MAPK10: variants seen among roughly 807,000 people sequenced by gnomAD.
MAPK10 encodes the protein JNK3 alpha protein kinase.
In MAPK10, 25 loss-of-function variants were observed where a neutral mutation model predicts 59.3. The ratio of observed to expected loss-of-function variants is 0.42; its 90% CI spans 0.31 to 0.59. MAPK10 has a LOEUF of 0.59. Ranked by LOEUF, MAPK10 falls within the 20% of genes least tolerant of loss-of-function variation. The pLI, the probability that MAPK10 is intolerant of heterozygous loss-of-function variation, is 0.15. For synonymous variants in MAPK10, 190 were observed against 200.5 expected (o/e 0.95, Z 0.44); for missense variants, 351 against 568.9 (o/e 0.62, Z 3.90).
chr4:86,194,319 C>A lies in MAPK10; in HGVS notation c.66+17G>T. ...GGGAATATACTGTACCTTGTTTTAC[C>A]TGTAAGGAACACACACCTGACAAAA... On this transcript the variant is annotated intron_variant, in intron 3 of 13. Coordinates refer to ENST00000641462, the MANE Select transcript of MAPK10 (RefSeq NM_138982.4). The A allele has an allele frequency of 1.2e-6, 2 of 1,603,850 alleles. No homozygotes were observed. Among genetic ancestry groups the A allele is most frequent in the Non-Finnish European group, 1.7e-6 (2 of 1,170,870 alleles).
At chr4:86,123,011 T>A (rs953843502) in intron 4 of MAPK10, among the ~76,000 whole-genome samples, 1 of 152,074 alleles carries the variant, frequency 6.6e-6, no homozygotes, top group Non-Finnish European at 1.5e-5. Flanking sequence ...TCAAATTAGA[T>A]CCTGTTCATA....
At chr4:86,489,189 C>T (rs550880186) in intron 1 of MAPK10, among the ~76,000 whole-genome samples, 5 of 152,238 alleles carry the variant, frequency 3.3e-5, no homozygotes, top group East Asian at 1.9e-4. Flanking sequence ...CCAGCTAAGC[C>T]GGGACAACCA....
chr4:86,545,717 A>G (rs1180993230), intron 1 of MAPK10, among the ~76,000 whole-genome samples: 4 of 152,230 alleles, frequency 2.6e-5, no homozygotes, highest in Admixed American at 6.5e-5. Context: ...AATGGAAAGA[A>G]GGAATACATT....
chr4:86,164,334 G>A (rs2070880738), intron 3 of MAPK10: 1 of 152,110 alleles, frequency 6.6e-6, no homozygotes, highest in African/African-American at 2.4e-5. Context: ...GGAGATGACA[G>A]TTTTACCAGA....
chr4:86,123,816 A>T (rs918105952), intron 4 of MAPK10: 5 of 152,044 alleles, frequency 3.3e-5, no homozygotes, highest in Admixed American at 3.3e-4. Context: ...TTCAACTCCC[A>T]ACTTCTTAAA....
Position 86,098,553 on chromosome 4 carries a change from C to G in MAPK10, c.773G>C (p.Arg258Pro). 6.2e-7 allele frequency: 1 copy of G among 1,613,296 alleles called. No individual in the cohort carries two copies. Among genetic ancestry groups the G allele is most frequent in the Non-Finnish European group, 8.5e-7 (1 of 1,179,458 alleles). The change falls in exon 9 of 14, where the codon CGC becomes CCC. Residue 258 changes from arginine to proline, a missense_variant. By Grantham distance (103) the Arg-to-Pro change is moderately radical. Transcript: ENST00000641462. ...CCTTCCTGGAAAGAGGATTTTGTGG[C>G]GAACCATTTCTCCCATAATGCATCC... ...SVGCIMGEMVRHKILFPGRDY... is the reference protein window; with the variant it reads ...SVGCIMGEMVPHKILFPGRDY...
chr4:86,380,394 G>C (rs1400333117), intron 1 of MAPK10, among the ~76,000 whole-genome samples: 1 of 152,096 alleles, frequency 6.6e-6, no homozygotes, highest in Non-Finnish European at 1.5e-5. Flanking sequence ...ACAATTATTT[G>C]TTGACTTTGC....
intron 1 of MAPK10, among the ~76,000 whole-genome samples, chr4:86,505,321 T>A (rs1005181196): frequency 1.3e-5 from 2 of 152,116 alleles, no homozygotes; most frequent in Admixed American, 6.6e-5. Context: ...AATTATTTTT[T>A]AAAAATGGGC....
intron 2 of MAPK10, among the ~76,000 whole-genome samples, chr4:86,346,174 G>C (rs527249891): frequency 3.0e-4 from 46 of 152,244 alleles, no homozygotes; most frequent in African/African-American, 1.1e-3. Flanking sequence ...ACCCTGGTTG[G>C]CAACAGGATA....
At chr4:86,398,746 C>T (rs1199200463) in intron 1 of MAPK10, among the ~76,000 whole-genome samples, 1 of 152,064 alleles carries the variant, frequency 6.6e-6, no homozygotes, top group African/African-American at 2.4e-5. Flanking sequence ...GTTTTACAAC[C>T]CTTGCGTCCC....
At chr4:86,459,213 T>C (rs2149060250) in intron 1 of MAPK10, among the ~76,000 whole-genome samples, 1 of 152,296 alleles carries the variant, frequency 6.6e-6, no homozygotes, top group South Asian at 2.1e-4. Context: ...CACAATGCAA[T>C]ACCACCTTAC....
intron 2 of MAPK10, among the ~76,000 whole-genome samples, chr4:86,212,913 C>T (rs1396291151): frequency 6.6e-6 from 1 of 152,058 alleles, no homozygotes; most frequent in Non-Finnish European, 1.5e-5. Flanking sequence ...GAACCGTCTT[C>T]CTCAAAACAA....
chr4:86,324,976 G>C (rs942756402), intron 2 of MAPK10, among the ~76,000 whole-genome samples: 6 of 152,082 alleles, frequency 3.9e-5, no homozygotes, highest in Non-Finnish European at 8.8e-5. Flanking sequence ...ATTGCACTTT[G>C]TGCATATTGA....
At chr4:86,448,083 T>G (rs1004648289) in intron 1 of MAPK10, among the ~76,000 whole-genome samples, 1 of 152,162 alleles carries the variant, frequency 6.6e-6, no homozygotes. Flanking sequence ...TATGTTAATA[T>G]GTAAAGAGCC....
At chr4:86,187,732 AG>A (rs2149299555) in intron 3 of MAPK10, among the ~76,000 whole-genome samples, 1 of 152,304 alleles carries the variant, frequency 6.6e-6, no homozygotes, top group South Asian at 2.1e-4. Flanking sequence ...TAAATGAATT[AG>A]AAACTAAACA....
intron 3 of MAPK10, among the ~76,000 whole-genome samples, chr4:86,175,360 C>T (rs1468713069): frequency 1.3e-5 from 2 of 152,030 alleles, no homozygotes; most frequent in African/African-American, 4.8e-5. Flanking sequence ...CAACAAAGAA[C>T]GTTATTCTTA....
At chr4:86,431,544 A>C (rs1461039053) in intron 1 of MAPK10, among the ~76,000 whole-genome samples, 1 of 152,224 alleles carries the variant, frequency 6.6e-6, no homozygotes, top group African/African-American at 2.4e-5. Context: ...TAGAAATAGT[A>C]TTTAATTTGG....
intron 1 of MAPK10, among the ~76,000 whole-genome samples, chr4:86,470,143 T>C (rs1180137046): frequency 1.3e-5 from 2 of 152,242 alleles, no homozygotes; most frequent in Admixed American, 6.5e-5. Flanking sequence ...TATAATTATA[T>C]TTCACAGAAG....
chr4:86,337,318 C>A (rs1418502743), intron 2 of MAPK10, among the ~76,000 whole-genome samples: 1 of 152,130 alleles, frequency 6.6e-6, no homozygotes, highest in Non-Finnish European at 1.5e-5. Flanking sequence ...TGATTTTCTG[C>A]ACTAATGATA....
Sources: gnomAD v4.1 joint callset for allele counts (sites outside exome capture counted in the v4.1 genomes callset) on GRCh38, gnomAD v4.1.1 for gene constraint, MANE v1.5 for transcripts, NCBI Gene and HGNC (gene_info 2026-07-23, HGNC 2026-07-21) for gene names.